The following SCN11A variants were observed in gnomAD, a reference collection of about 807,000 sequenced individuals.
The protein encoded by SCN11A is sodium channel protein type 11 subunit alpha.
In SCN11A, 122 loss-of-function variants were observed where a neutral mutation model predicts 162.2. That is an observed-to-expected ratio of 0.75 (90% confidence interval 0.65 to 0.87). SCN11A has a LOEUF of 0.87. Among genes scored for constraint, SCN11A ranks in the 40% least tolerant of loss-of-function variants. SCN11A has a pLI of 0.00. For missense variants in SCN11A, 2,015 were observed against 2,181.6 expected (o/e 0.92, Z 1.52); for synonymous variants, 758 against 751.5 (o/e 1.01, Z -0.14).
In SCN11A at chr3:38,894,708, A is replaced by G. The variant is rs191848890; in HGVS notation, c.2660T>C (p.Met887Thr). The G allele has an allele frequency of 7.4e-6, 12 of 1,614,124 alleles. No individual in the cohort carries two copies. The African/African-American group carries it at 1.6e-4, about 22-fold the overall frequency. Residue 887 changes from methionine to threonine, a missense_variant, in exon 19 of 30, where the codon ATG becomes ACG. By Grantham distance (81) the Met-to-Thr change is moderately conservative. Coordinates refer to ENST00000302328, the MANE Select transcript of SCN11A (RefSeq NM_001349253.2). ...SKDIIPLVMEMKRGSETQEEL... is the reference protein window; with the variant it reads ...SKDIIPLVMETKRGSETQEEL... ...CTCCTGGGTCTCTGAGCCCCTTTTCATCTCCATGACCAGGGGAATGATGTC... is the reference window on the plus strand; with the variant it reads ...CTCCTGGGTCTCTGAGCCCCTTTTCGTCTCCATGACCAGGGGAATGATGTC...
intron 26 of SCN11A, among the ~76,000 whole-genome samples, chr3:38,867,767 C>T (rs2065065432): frequency 6.6e-6 from 1 of 152,028 alleles, no homozygotes; most frequent in Non-Finnish European, 1.5e-5. Context: ...AAAAGTCATC[C>T]ATATGGAATG....
intron 2 of SCN11A, among the ~76,000 whole-genome samples, chr3:39,019,083 G>A (rs974384973): frequency 6.6e-6 from 1 of 152,180 alleles, no homozygotes; most frequent in Non-Finnish European, 1.5e-5. Flanking sequence ...GGAGGATAGA[G>A]AAGCCTGAAT....
At chr3:39,042,438 T>C (rs72858086) in intron 1 of SCN11A, among the ~76,000 whole-genome samples, 2,934 of 152,192 alleles carry the variant, frequency 0.019, 98 homozygotes, top group African/African-American at 0.067. Context: ...GGCAAAAATT[T>C]CTTGAGTAAT....
chr3:38,889,727 G>A (rs2065463418), intron 19 of SCN11A, among the ~76,000 whole-genome samples: 1 of 150,798 alleles, frequency 6.6e-6, no homozygotes, highest in African/African-American at 2.4e-5. Flanking sequence ...AGGAACCCGG[G>A]AGCCAGAGCT....
At chr3:38,967,359 G>T (rs988885747) in intron 2 of SCN11A, among the ~76,000 whole-genome samples, 1 of 152,190 alleles carries the variant, frequency 6.6e-6, no homozygotes, top group African/African-American at 2.4e-5. Flanking sequence ...GCTCACTCTG[G>T]AAGAAGCTAG....
At position 38,920,095 on chromosome 3, in the gene SCN11A, T is replaced by C. The variant is rs1464088365; in HGVS notation, c.893-94A>G. ...TGCAGATTATGCTTGAAAATGGATG[T>C]TTCTACATCTTCTAAAATGATTAAA... On this transcript the variant is annotated intron_variant, in intron 10 of 29. Coordinates refer to ENST00000302328, the MANE Select transcript of SCN11A (RefSeq NM_001349253.2). 11 of 932,558 alleles carry C rather than the reference T, an allele frequency of 1.2e-5. No homozygotes were observed. In the East Asian group the frequency reaches 2.5e-4, roughly 21 times the overall value. 57.8% of individuals were successfully genotyped at this position (932,558 alleles called of 1,614,324 possible).
At chr3:39,043,297 A>C (rs2032101096) in intron 1 of SCN11A, among the ~76,000 whole-genome samples, 1 of 152,232 alleles carries the variant, frequency 6.6e-6, no homozygotes, top group East Asian at 1.9e-4. Flanking sequence ...CATACGATCC[A>C]GCAATCCCAT....
chr3:38,853,217 T>C (rs1362748627), intron 28 of SCN11A, among the ~76,000 whole-genome samples: 1 of 152,218 alleles, frequency 6.6e-6, no homozygotes, highest in Non-Finnish European at 1.5e-5. Context: ...TATTGTGTCT[T>C]GTGACTCTTT....
chr3:38,954,159 T>G (rs554052273), intron 3 of SCN11A, among the ~76,000 whole-genome samples: 70 of 152,192 alleles, frequency 4.6e-4, no homozygotes, highest in African/African-American at 1.7e-3. Flanking sequence ...TCATCCAGAG[T>G]CAAGCTCATT....
At chr3:38,994,946 C>T (rs2030571412) in intron 2 of SCN11A, among the ~76,000 whole-genome samples, 1 of 152,058 alleles carries the variant, frequency 6.6e-6, no homozygotes, top group Non-Finnish European at 1.5e-5. Context: ...AAGGGAAACA[C>T]CCCTGCCTCT....
Position 38,850,567 on chromosome 3 carries a change from A to G in SCN11A, c.4241T>C (p.Leu1414Pro). ...VFVVIFTLECLIKIFALRQYY... is the reference protein window; with the variant it reads ...VFVVIFTLECPIKIFALRQYY... ...TTGCCTCAAAGCAAAGATTTTGATG[A>G]GACATTCTAACGTAAAGATGACCAC... Residue 1414 changes from leucine to proline, a missense_variant, in exon 29 of 30, where the codon CTC becomes CCC. By Grantham distance (98) the Leu-to-Pro change is moderately conservative (BLOSUM62 -3). Coordinates refer to ENST00000302328, the MANE Select transcript of SCN11A (RefSeq NM_001349253.2). 1 of 1,613,860 alleles carries G rather than the reference A, an allele frequency of 6.2e-7. No homozygotes were observed. Among genetic ancestry groups the G allele is most frequent in the Non-Finnish European group, 8.5e-7 (1 of 1,179,730 alleles).
chr3:38,964,826 A>C (rs1309548325), intron 2 of SCN11A, among the ~76,000 whole-genome samples: 3 of 152,190 alleles, frequency 2.0e-5, no homozygotes, highest in East Asian at 3.9e-4. Flanking sequence ...TCAAACCTAA[A>C]TTTGTATTGA....
chr3:38,908,232 C>A, intron 13 of SCN11A, 110 bp from the exon 14 acceptor site: 1 of 903,192 alleles, frequency 1.1e-6, no homozygotes. Context: ...AGCTCTGTAT[C>A]ATTTAAATTG....
intron 11 of SCN11A, among the ~76,000 whole-genome samples, chr3:38,914,966 G>C (rs775953403): frequency 6.6e-6 from 1 of 152,096 alleles, no homozygotes; most frequent in Non-Finnish European, 1.5e-5. Context: ...CCAGGTTTTG[G>C]TATCAGGACG....
At chr3:39,000,186 G>A (rs934035294) in intron 2 of SCN11A, among the ~76,000 whole-genome samples, 2 of 152,258 alleles carry the variant, frequency 1.3e-5, no homozygotes, top group Admixed American at 6.5e-5. Flanking sequence ...ACTCTAGGGG[G>A]CAATACATTG....
intron 2 of SCN11A, among the ~76,000 whole-genome samples, chr3:38,994,476 G>A (rs1019660238): frequency 6.6e-6 from 1 of 152,176 alleles, no homozygotes; most frequent in Non-Finnish European, 1.5e-5. Context: ...ACGTTTAAGA[G>A]GCCACAAGCT....
intron 11 of SCN11A, among the ~76,000 whole-genome samples, chr3:38,911,470 T>C (rs1186958289): frequency 5.9e-5 from 9 of 152,222 alleles, no homozygotes; most frequent in Non-Finnish European, 1.3e-4. Context: ...TGAAATGCCA[T>C]GATAATGTCC....
At position 38,879,204 on chromosome 3, in the gene SCN11A, C is replaced by A. The variant is rs570867537; in HGVS notation, c.3393+746G>T. Among the ~76,000 whole-genome samples the A allele has an allele frequency of 2.2e-4, 34 of 152,268 alleles. No homozygotes were observed. The South Asian group carries it at 6.8e-3, about 31-fold the overall frequency. Reference sequence around the variant, plus strand: ...CCTCTCTATGACTTACTTTCTTTCTCTGAATATACAAAAATAGTAGCACCT... The same window carrying A: ...CCTCTCTATGACTTACTTTCTTTCTATGAATATACAAAAATAGTAGCACCT... On this transcript the variant is annotated intron_variant, in intron 23 of 29. Transcript: ENST00000302328.
chr3:38,954,468 C>T (rs112322668), intron 3 of SCN11A, among the ~76,000 whole-genome samples: 1,847 of 152,094 alleles, frequency 0.012, 36 homozygotes, highest in African/African-American at 0.041. Flanking sequence ...CCTAATGGGG[C>T]GATTAAAGAA....
Sources: allele counts gnomAD v4.1 joint callset (sites outside exome capture counted in the v4.1 genomes callset), GRCh38; gene constraint gnomAD v4.1.1; transcripts MANE v1.5; gene names NCBI Gene and HGNC (gene_info 2026-07-23, HGNC 2026-07-21).